The following TCAIM variants were observed in gnomAD, a reference collection of about 807,000 sequenced individuals.
TCAIM encodes T cell activation inhibitor, mitochondrial.
TCAIM carries 36 observed loss-of-function variants against 58.6 expected under a neutral mutation model. The observed-to-expected ratio is 0.61, with a 90% CI of 0.47 to 0.81. The LOEUF (loss-of-function observed/expected upper bound fraction) is 0.81. Among genes scored for constraint, TCAIM ranks in the 30% least tolerant of loss-of-function variants. TCAIM has a pLI of 0.00. For synonymous variants in TCAIM, 172 were observed against 193.6 expected (o/e 0.89, Z 0.93); for missense variants, 466 against 579.6 (o/e 0.80, Z 2.01).
At chr3:44,390,196 A>T (rs924931001) in intron 5 of TCAIM, among the ~76,000 whole-genome samples, 1 of 152,228 alleles carries the variant, frequency 6.6e-6, no homozygotes, top group African/African-American at 2.4e-5. Context: ...TGTTTAATAG[A>T]TGCATAATGA....
intron 5 of TCAIM, among the ~76,000 whole-genome samples, chr3:44,389,029 C>G (rs143980104): frequency 2.0e-5 from 3 of 152,182 alleles, no homozygotes; most frequent in African/African-American, 7.2e-5. Context: ...CGGTGGCTTA[C>G]GCCTGTAATC....
chr3:44,376,152 G>T (rs948799718), intron 5 of TCAIM, among the ~76,000 whole-genome samples: 1 of 152,190 alleles, frequency 6.6e-6, no homozygotes, highest in Non-Finnish European at 1.5e-5. Flanking sequence ...GTAGATTAGT[G>T]GTTGGTAGGG....
At position 44,396,972 on chromosome 3, in the gene TCAIM, A is replaced by G. The variant is rs902796089; in HGVS notation, c.885+138A>G. On this transcript the variant is annotated intron_variant, in intron 8 of 10. Transcript: ENST00000342649. ...TTTTAATGTTTTTAATCGCAGTATC[A>G]GCTGTTTTCAGATCAGATGCTTAAA... The G allele has an allele frequency of 4.1e-6, 3 of 727,978 alleles. No homozygotes were observed. The African/African-American group carries it at 5.3e-5, about 13-fold the overall frequency. The allele number at this position is 727,978 out of a possible 1,614,324, so 45.1% of individuals were successfully genotyped here. A position where few individuals can be genotyped will look rare whatever the true frequency, so the allele number is the denominator to read the frequency against.
chr3:44,392,786 G>A (rs1055581742), intron 5 of TCAIM, 69 bp from the exon 6 acceptor site: 2 of 1,436,650 alleles, frequency 1.4e-6, no homozygotes, highest in Non-Finnish European at 1.9e-6. Flanking sequence ...GTGCATGCAT[G>A]TGTCTTTTAA....
At chr3:44,358,953 G>T (rs899138056) in intron 3 of TCAIM, 2 of 985,216 alleles carry the variant, frequency 2.0e-6, no homozygotes, top group Non-Finnish European at 2.4e-6. Flanking sequence ...ACTTTTCAAA[G>T]TAATCAGTAA....
intron 6 of TCAIM, among the ~76,000 whole-genome samples, chr3:44,394,921 A>AATATATATATATATATATATAT (rs869077768): frequency 4.1e-5 from 2 of 48,484 alleles, no homozygotes; most frequent in Non-Finnish European, 6.6e-5. Context: ...AAAAAAAAAA[A>AATATATATATATATATATATAT]ATATATATAT....
At chr3:44,352,765 A>T (rs1028929113) in intron 1 of TCAIM, among the ~76,000 whole-genome samples, 7 of 152,002 alleles carry the variant, frequency 4.6e-5, no homozygotes, top group African/African-American at 1.7e-4. Flanking sequence ...TGCCCTAAAA[A>T]TCCTCTGAGC....
chr3:44,405,517 T>A (rs1359898958), intron 10 of TCAIM, among the ~76,000 whole-genome samples: 2 of 151,184 alleles, frequency 1.3e-5, no homozygotes, highest in Non-Finnish European at 2.9e-5. Flanking sequence ...TACAAAAAAT[T>A]TAAAAATTAG....
intron 8 of TCAIM, among the ~76,000 whole-genome samples, chr3:44,398,420 ACT>A (rs112449044): frequency 0.15 from 22,199 of 151,516 alleles, 1,681 homozygotes; most frequent in Admixed American, 0.17. Context: ...ACACAGCGAG[ACT>A]GTGTCTCAAA....
chr3:44,365,528 T>G (rs1209616489), intron 4 of TCAIM, among the ~76,000 whole-genome samples: 1 of 152,064 alleles, frequency 6.6e-6, no homozygotes, highest in African/African-American at 2.4e-5. Flanking sequence ...GAGTTTCACC[T>G]TGTTGGCCAG....
At position 44,404,433 on chromosome 3, in the gene TCAIM, C is replaced by T. The variant is rs576833235; in HGVS notation, c.1251-3009C>T. ...TCAGGAAATACCGATTGACCTTTCACCTGCTTCCTTAGCCTTTTTCTGGCT... is the reference window on the plus strand; with the variant it reads ...TCAGGAAATACCGATTGACCTTTCATCTGCTTCCTTAGCCTTTTTCTGGCT... On this transcript the variant is annotated intron_variant, in intron 10 of 10. Coordinates refer to ENST00000342649, the MANE Select transcript of TCAIM (RefSeq NM_173826.4). Among the ~76,000 whole-genome samples the T allele has an allele frequency of 3.2e-3, 494 of 152,270 alleles. 2 individuals carry two copies. The highest frequency in any genetic ancestry group is 5.6e-3 in the Non-Finnish European group (378 of 68,018).
chr3:44,403,828 G>A (rs1702058894), intron 10 of TCAIM, among the ~76,000 whole-genome samples: 2 of 152,002 alleles, frequency 1.3e-5, no homozygotes, highest in South Asian at 4.1e-4. Context: ...TTCCTTTCCT[G>A]CTGCACCTGG....
chr3:44,344,567 T>C (rs1322002424), intron 1 of TCAIM, among the ~76,000 whole-genome samples: 2 of 152,150 alleles, frequency 1.3e-5, no homozygotes, highest in Admixed American at 1.3e-4. Flanking sequence ...TCTGGGGCTT[T>C]TTTCTTTTTC....
intron 1 of TCAIM, among the ~76,000 whole-genome samples, chr3:44,351,700 G>T (rs1053499388): frequency 1.3e-5 from 2 of 151,730 alleles, no homozygotes; most frequent in Non-Finnish European, 2.9e-5. Context: ...TTGCCATGTT[G>T]GCCAGGCTGG....
At chr3:44,357,260 T>C (rs1162138140) in intron 2 of TCAIM, among the ~76,000 whole-genome samples, 2 of 149,734 alleles carry the variant, frequency 1.3e-5, no homozygotes, top group Non-Finnish European at 3.0e-5. Flanking sequence ...TCCAGCTACT[T>C]GGGAGGGTAA....
At chr3:44,368,937 C>T (rs971510718) in intron 5 of TCAIM, among the ~76,000 whole-genome samples, 3 of 152,088 alleles carry the variant, frequency 2.0e-5, no homozygotes, top group African/African-American at 7.2e-5. Flanking sequence ...GCAGGAAGAT[C>T]CCTTGAGCAC....
chr3:44,367,933 A>G (rs1199005580), intron 5 of TCAIM: 4 of 424,798 alleles, frequency 9.4e-6, no homozygotes, highest in Non-Finnish European at 1.7e-5. Flanking sequence ...AAATACTTCC[A>G]ACTGTATTTA....
In TCAIM at chr3:44,370,798, G is replaced by A. The variant is rs181642429; in HGVS notation, c.572+3090G>A. Among the ~76,000 whole-genome samples the A allele has an allele frequency of 1.1e-4, 17 of 148,046 alleles. No homozygotes were observed. The East Asian group carries it at 2.4e-3, about 21-fold the overall frequency. ...TCTTACTCTGTCAGGTTGGAGTGCA[G>A]TGGCATGATCATAGCTCACTGCAGC... On this transcript the variant is annotated intron_variant, in intron 5 of 10. Coordinates refer to ENST00000342649, the MANE Select transcript of TCAIM (RefSeq NM_173826.4).
At chr3:44,385,196 A>G (rs1019521066) in intron 5 of TCAIM, among the ~76,000 whole-genome samples, 17 of 152,362 alleles carry the variant, frequency 1.1e-4, no homozygotes, top group Middle Eastern at 3.4e-3. Flanking sequence ...CCAACAAAAG[A>G]AACCAGCCCT....
Sources: allele counts gnomAD v4.1 joint callset (sites outside exome capture counted in the v4.1 genomes callset), GRCh38; gene constraint gnomAD v4.1.1; transcripts MANE v1.5; gene names NCBI Gene and HGNC (gene_info 2026-07-23, HGNC 2026-07-21).